LPIN1: variants seen among roughly 807,000 people sequenced by gnomAD.
LPIN1 encodes the protein phosphatidate phosphatase LPIN1.
LPIN1 carries 71 observed loss-of-function variants against 107.5 expected under a neutral mutation model. That is an observed-to-expected ratio of 0.66 (90% confidence interval 0.55 to 0.80). The LOEUF (loss-of-function observed/expected upper bound fraction) is 0.80, where lower values mean the gene tolerates loss of function less well. LPIN1 is among the 30% of genes least tolerant of loss of function. The pLI, the probability that LPIN1 is intolerant of heterozygous loss-of-function variation, is 0.00. For synonymous variants in LPIN1, 445 were observed against 452.6 expected, an observed-to-expected ratio of 0.98 and a Z score of 0.21; for missense variants, 1,043 against 1,160.6, an observed-to-expected ratio of 0.90 and a Z score of 1.47.
chr2:11,703,449 C>T (rs1384192209), intron 1 of LPIN1, among the ~76,000 whole-genome samples: 1 of 152,194 alleles, frequency 6.6e-6, no homozygotes, highest in East Asian at 1.9e-4. Context: ...ATACTTTCTC[C>T]TTGTATAGAC....
In LPIN1 at chr2:11,717,152, G is replaced by T. The variant is rs184997806; in HGVS notation, c.138+3340G>T. Among the ~76,000 whole-genome samples the T allele has an allele frequency of 6.9e-3, 1,044 of 152,256 alleles. 11 individuals are homozygous for T. The highest frequency in any genetic ancestry group is 0.01 in the Middle Eastern group (3 of 294). Reference sequence around the variant, plus strand: ...GTGATCAAAGCGATTTATGTGGCTGGTTCTATAGAATCAACTGGGAAATAC... The same window carrying T: ...GTGATCAAAGCGATTTATGTGGCTGTTTCTATAGAATCAACTGGGAAATAC... On this transcript the variant is annotated intron_variant, in intron 2 of 21. Transcript: ENST00000449576.
At chr2:11,714,401 T>A (rs1663598427) in intron 2 of LPIN1, among the ~76,000 whole-genome samples, 1 of 152,178 alleles carries the variant, frequency 6.6e-6, no homozygotes, top group South Asian at 2.1e-4. Context: ...CTAGACCCCA[T>A]GTTCCACAGC....
chr2:11,815,152 T>C lies in LPIN1; in HGVS notation c.2314T>C (p.Tyr772His). 6.2e-7 allele frequency: 1 copy of C among 1,614,228 alleles called. No homozygotes were observed. The highest frequency in any genetic ancestry group is 8.5e-7 in the Non-Finnish European group (1 of 1,180,024). Residue 772 changes from tyrosine to histidine, a missense_variant, in exon 18 of 21, where the codon TAC (tyrosine) becomes CAC (histidine). By Grantham distance (83) the Tyr-to-His change is moderately conservative. Coordinates refer to ENST00000674199, the MANE Select transcript of LPIN1 (RefSeq NM_001349206.2). ...AIGMADMTRG[Y>H]LHWVNERGTV... ...CGGGATGGCGGACATGACGCGGGGCTACCTGCACTGGGTCAACGAGAGGGG... is the reference window on the plus strand; with the variant it reads ...CGGGATGGCGGACATGACGCGGGGCCACCTGCACTGGGTCAACGAGAGGGG...
chr2:11,752,433 A>ATTTTTTCTTTTTTTTTT (rs1667945727), intron 1 of LPIN1, among the ~76,000 whole-genome samples: 1 of 103,914 alleles, frequency 9.6e-6, no homozygotes, highest in African/African-American at 5.7e-5. Context: ...TTCCAAGGCC[A>ATTTTTTCTTTTTTTTTT]TTTTTTTTTT....
chr2:11,770,491 G>A (rs1167116516), intron 3 of LPIN1, among the ~76,000 whole-genome samples: 3 of 152,132 alleles, frequency 2.0e-5, no homozygotes, highest in African/African-American at 7.2e-5. Context: ...TTCTCTAGTT[G>A]CTCCAGTCCA....
At chr2:11,807,114 A>C (rs1031865065) in intron 17 of LPIN1, among the ~76,000 whole-genome samples, 2 of 152,228 alleles carry the variant, frequency 1.3e-5, no homozygotes, top group African/African-American at 4.8e-5. Flanking sequence ...TGTATAAATA[A>C]ATAAAGAAGG....
chr2:11,704,845 C>A (rs1265580760), intron 1 of LPIN1, among the ~76,000 whole-genome samples: 2 of 152,346 alleles, frequency 1.3e-5, no homozygotes, highest in Middle Eastern at 6.8e-3. Context: ...AGGCCACACA[C>A]ACTTATGTGT....
At chr2:11,741,695 C>T (rs1282021406), upstream of LPIN1, among the ~76,000 whole-genome samples, 1 of 152,164 alleles carries the variant, frequency 6.6e-6, no homozygotes, top group Non-Finnish European at 1.5e-5. Context: ...CCTGTAGTCC[C>T]AGCTAGTCAG....
intron 1 of LPIN1, chr2:11,764,084 A>G (rs1372410774): frequency 3.0e-4 from 28 of 94,628 alleles, no homozygotes; most frequent in Middle Eastern, 5.1e-3. Flanking sequence ...GTGTGTATAT[A>G]TATATATATA....
At chr2:11,701,236 C>CA (rs1172280206) in intron 1 of LPIN1, among the ~76,000 whole-genome samples, 5 of 152,196 alleles carry the variant, frequency 3.3e-5, no homozygotes, top group Non-Finnish European at 7.3e-5. Flanking sequence ...TTTGTGCCTG[C>CA]ATGCAGCACG....
At chr2:11,723,499 TAC>T (rs1254833586), upstream of LPIN1, 1 of 152,086 alleles carries the variant, frequency 6.6e-6, no homozygotes, top group African/African-American at 2.4e-5. Flanking sequence ...CTATTAAAAA[TAC>T]AAAAAATTAC....
intron 17 of LPIN1, among the ~76,000 whole-genome samples, chr2:11,805,844 C>T (rs1018024199): frequency 3.9e-5 from 6 of 152,210 alleles, no homozygotes; most frequent in Non-Finnish European, 7.3e-5. Context: ...TCATTGCTCT[C>T]GTCTGCCTCC....
chr2:11,786,904 T>C lies in LPIN1; in HGVS notation c.1550-170T>C. 1.5e-6 allele frequency: 1 copy of C among 652,670 alleles called. No homozygotes were observed. Among genetic ancestry groups the C allele is most frequent in the Non-Finnish European group, 2.8e-6 (1 of 356,910 alleles). The allele number at this position is 652,670 out of a possible 1,614,324, so 40.4% of individuals were successfully genotyped here. ...CTGCATTGCTGCACAGACGCCGCCTTCCAGGTAAAATGGTGCGGCCTTTAC... is the reference window on the plus strand; with the variant it reads ...CTGCATTGCTGCACAGACGCCGCCTCCCAGGTAAAATGGTGCGGCCTTTAC... On this transcript the variant is annotated intron_variant, in intron 10 of 20. Coordinates refer to ENST00000674199, the MANE Select transcript of LPIN1 (RefSeq NM_001349206.2). The surrounding 1 kb of genome is among the most constrained non-coding windows in gnomAD (Gnocchi z 4.1).
chr2:11,779,763 A>C, intron 7 of LPIN1, 118 bp downstream of exon 7: 1 of 1,207,480 alleles, frequency 8.3e-7, no homozygotes, highest in Admixed American at 1.8e-5. Flanking sequence ...AGGTAAACCA[A>C]AATATATTAA....
chr2:11,680,423 C>T (rs547550734), intron 1 of LPIN1, among the ~76,000 whole-genome samples: 9 of 151,586 alleles, frequency 5.9e-5, no homozygotes, highest in South Asian at 2.1e-4. Context: ...GGTGGGGTAA[C>T]GGGGCGATCT....
intron 1 of LPIN1, among the ~76,000 whole-genome samples, chr2:11,762,673 A>G (rs951173250): frequency 2.0e-5 from 3 of 152,214 alleles, no homozygotes; most frequent in African/African-American, 7.2e-5. Flanking sequence ...AGACATTCCT[A>G]TCACTCTGAT....
At chr2:11,767,219 A>G (rs1012806531) in intron 2 of LPIN1, among the ~76,000 whole-genome samples, 1 of 152,128 alleles carries the variant, frequency 6.6e-6, no homozygotes, top group African/African-American at 2.4e-5. Flanking sequence ...AGTTAAGTTC[A>G]AGAGGAAACT....
chr2:11,734,365 C>T (rs974768122), intron 1 of LPIN1, among the ~76,000 whole-genome samples: 2 of 152,320 alleles, frequency 1.3e-5, no homozygotes, highest in South Asian at 2.1e-4. Flanking sequence ...GTAATAATAA[C>T]GTGACAGAGA....
chr2:11,746,788 C>T (rs1204052387), intron 1 of LPIN1, 117 bp downstream of exon 1: 1 of 410,136 alleles, frequency 2.4e-6, no homozygotes, highest in Non-Finnish European at 3.3e-6. Flanking sequence ...GGGGCTCGGC[C>T]CCGGGGCCCG....
Sources: gnomAD v4.1 joint callset for allele counts (sites outside exome capture counted in the v4.1 genomes callset) on GRCh38, gnomAD v4.1.1 for gene constraint, Gnocchi (gnomAD v3.1) non-coding constraint, MANE v1.5 for transcripts, NCBI Gene and HGNC (gene_info 2026-07-23, HGNC 2026-07-21) for gene names.